EZH1: variants seen among roughly 807,000 people sequenced by gnomAD.
EZH1 encodes the protein histone-lysine N-methyltransferase EZH1.
A neutral mutation model predicts 100.5 loss-of-function variants in EZH1; 33 were observed. That is an observed-to-expected ratio of 0.33 (90% CI 0.25 to 0.44). EZH1 has a LOEUF of 0.44. EZH1 is among the 20% of genes least tolerant of loss of function. The pLI is 1.00. For missense variants in EZH1, 475 were observed against 928.4 expected (o/e 0.51, Z 6.35); for synonymous variants, 272 against 313.8 (o/e 0.87, Z 1.41).
intron 1 of EZH1, among the ~76,000 whole-genome samples, chr17:42,742,977 C>G (rs2054204435): frequency 1.3e-5 from 2 of 151,616 alleles, no homozygotes; most frequent in African/African-American, 4.8e-5. Context: ...TCAAGCGATT[C>G]TCGTGCCTCA....
rs547055480 is a variant in EZH1 at position 42,703,166 on chromosome 17, TTTTTG to T, written c.2099-210_2099-206del. ...TCTTTATTATTATTATAAGTGGGGTTTTTTGTTTTGTTTTGTTTTGTTTTTTGAGA... is the reference window on the plus strand; with the variant it reads ...TCTTTATTATTATTATAAGTGGGGTTTTTTGTTTTGTTTTGTTTTTTGAGA... On this transcript the variant is annotated intron_variant, in intron 19 of 20. Transcript: ENST00000428826. The T allele has an allele frequency of 9.1e-5, 50 of 551,794 alleles. 2 individuals are homozygous for T. Among genetic ancestry groups the T allele is most frequent in the South Asian group, 4.2e-4 (20 of 47,524 alleles). 34.2% of individuals were successfully genotyped at this position (551,794 alleles called of 1,614,324 possible).
Position 42,718,349 on chromosome 17 carries a change from G to C in EZH1, c.931+105C>G. The C allele has an allele frequency of 1.4e-6, 2 of 1,451,002 alleles. No individual in the cohort carries two copies. Among genetic ancestry groups the C allele is most frequent in the Non-Finnish European group, 1.9e-6 (2 of 1,073,224 alleles). The allele number at this position is 1,451,002 out of a possible 1,614,324, so 89.9% of individuals were successfully genotyped here. ...AGAACTGGCCCTTTGTAAAACGTTA[G>C]AACAGAAGCCAGGAACTCTATACGA... On this transcript the variant is annotated intron_variant, in intron 9 of 20. Coordinates refer to ENST00000428826, the MANE Select transcript of EZH1 (RefSeq NM_001991.5). The surrounding 1 kb of genome is among the most constrained non-coding windows in gnomAD (Gnocchi z 4.2).
At chr17:42,703,141 T>A in intron 19 of EZH1, 180 bp from the exon 20 acceptor site, 1 of 589,080 alleles carries the variant, frequency 1.7e-6, no homozygotes. Flanking sequence ...AGAAAAATTA[T>A]CTTTATTATT....
chr17:42,741,861 G>T (rs1193882449), intron 1 of EZH1, among the ~76,000 whole-genome samples: 3 of 151,730 alleles, frequency 2.0e-5, no homozygotes, highest in African/African-American at 7.3e-5. Flanking sequence ...GCTAATTTTT[G>T]TAATGTTTTT....
At chr17:42,723,086 C>T (rs993120138) in intron 5 of EZH1, among the ~76,000 whole-genome samples, 171 bp from the exon 6 acceptor site, 25 of 152,102 alleles carry the variant, frequency 1.6e-4, no homozygotes, top group Non-Finnish European at 1.2e-4. Flanking sequence ...CCAAAAAAAC[C>T]TCAAATGGGG....
chr17:42,730,235 A>C (rs1806590009), intron 2 of EZH1, among the ~76,000 whole-genome samples: 1 of 152,136 alleles, frequency 6.6e-6, no homozygotes, highest in Admixed American at 6.6e-5. Flanking sequence ...TCTTCTCTTT[A>C]CTTTGAGTAA....
At chr17:42,705,375 G>T (rs148738824) in intron 16 of EZH1, among the ~76,000 whole-genome samples, 192 bp from the exon 17 acceptor site, 11 of 152,304 alleles carry the variant, frequency 7.2e-5, no homozygotes, top group Admixed American at 2.6e-4. Flanking sequence ...GGTGACGAAC[G>T]GAAATAGGAT....
intron 8 of EZH1, 79 bp downstream of exon 8, chr17:42,719,026 T>G: frequency 5.3e-6 from 6 of 1,140,816 alleles, no homozygotes; most frequent in Non-Finnish European, 7.8e-6. Context: ...CAAAGCTTTT[T>G]ACTAACCAAA....
At chr17:42,720,646 C>A (rs1301923956) in intron 6 of EZH1, among the ~76,000 whole-genome samples, 197 bp from the exon 7 acceptor site, 1 of 152,072 alleles carries the variant, frequency 6.6e-6, no homozygotes, top group Non-Finnish European at 1.5e-5. Flanking sequence ...AGGAATACAG[C>A]TATAGGCTTT....
intron 2 of EZH1, among the ~76,000 whole-genome samples, chr17:42,730,115 A>G (rs980502896): frequency 6.6e-6 from 1 of 152,174 alleles, no homozygotes; most frequent in African/African-American, 2.4e-5. Context: ...TTGTGGTCCA[A>G]TTATCAAAAA....
intron 1 of EZH1, among the ~76,000 whole-genome samples, chr17:42,733,534 G>A (rs1054119456): frequency 6.7e-6 from 1 of 149,818 alleles, no homozygotes; most frequent in African/African-American, 2.5e-5. Flanking sequence ...TCAGCTACTC[G>A]GGAGGCTGAG....
At chr17:42,730,291 G>A (rs75048950) in intron 2 of EZH1, among the ~76,000 whole-genome samples, 3,131 of 152,052 alleles carry the variant, frequency 0.021, 110 homozygotes, top group African/African-American at 0.072. Context: ...GGGTTTCATG[G>A]AAAGATCCAC....
intron 4 of EZH1, 72 bp downstream of exon 4, chr17:42,727,563 A>G (rs1390638462): frequency 8.5e-6 from 13 of 1,536,930 alleles, no homozygotes; most frequent in Non-Finnish European, 1.1e-5. Context: ...ACTTTCTAAA[A>G]AGTCACAAAT....
intron 12 of EZH1, among the ~76,000 whole-genome samples, chr17:42,711,404 C>T (rs548697475): frequency 6.6e-6 from 1 of 152,022 alleles, no homozygotes; most frequent in Non-Finnish European, 1.5e-5. Context: ...ACCTGGGAGG[C>T]GGAGGCTGCA....
intron 1 of EZH1, among the ~76,000 whole-genome samples, chr17:42,733,725 C>T (rs982397761): frequency 1.3e-5 from 2 of 149,142 alleles, no homozygotes; most frequent in Non-Finnish European, 3.0e-5. Context: ...GCAGATCACG[C>T]GGTCAAGAGA....
chr17:42,712,279 C>T lies in EZH1; in HGVS notation c.1401+10G>A. 1 of 1,612,330 alleles carries T rather than the reference C, an allele frequency of 6.2e-7. No homozygotes were observed. Among genetic ancestry groups the T allele is most frequent in the East Asian group, 2.2e-5 (1 of 44,874 alleles). On this transcript the variant is annotated intron_variant, in intron 12 of 20. Coordinates refer to ENST00000428826, the MANE Select transcript of EZH1 (RefSeq NM_001991.5). ...AGGGGCCCATTTGTTCTGCTGCTTC[C>T]AGATGGTACCTGCTTGCACGTCTTG...
chr17:42,735,940 GTGCCAC>G (rs1472131162), intron 1 of EZH1, among the ~76,000 whole-genome samples: 1 of 152,012 alleles, frequency 6.6e-6, no homozygotes, highest in Non-Finnish European at 1.5e-5. Context: ...GGCCAAAATC[GTGCCAC>G]TGCACTCCAA....
chr17:42,704,439 G>C (rs1308602965), intron 18 of EZH1, among the ~76,000 whole-genome samples, 163 bp downstream of exon 18: 1 of 152,074 alleles, frequency 6.6e-6, no homozygotes, highest in East Asian at 1.9e-4. Flanking sequence ...TACTCGGGAG[G>C]CTGAGGCAGG....
chr17:42,729,013 TAC>T, intron 2 of EZH1, 61 bp from the exon 3 acceptor site: 12 of 1,168,508 alleles, frequency 1.0e-5, no homozygotes, highest in South Asian at 4.8e-5. Flanking sequence ...ATTCCTCAAA[TAC>T]AAAAAAAAAA....
Sources: allele counts gnomAD v4.1 joint callset (sites outside exome capture counted in the v4.1 genomes callset), GRCh38; gene constraint gnomAD v4.1.1; non-coding constraint Gnocchi (gnomAD v3.1); transcripts MANE v1.5; gene names NCBI Gene and HGNC (gene_info 2026-07-23, HGNC 2026-07-21).